Variants in SCARB1 observed in about 807,000 individuals in gnomAD.
SCARB1 encodes CD36 and LIMPII analogous 1.
Under a neutral mutation model 57.2 loss-of-function variants are expected in SCARB1, and 30 were observed. That is an observed-to-expected ratio of 0.52 (90% CI 0.39 to 0.71). SCARB1 has a LOEUF of 0.71. Ranked by LOEUF, SCARB1 falls within the 30% of genes least tolerant of loss-of-function variation. SCARB1 has a pLI of 0.00. For synonymous variants in SCARB1, 249 were observed against 268.3 expected (o/e 0.93, Z 0.70); for missense variants, 543 against 671.2 (o/e 0.81, Z 2.11).
chr12:124,794,280 TA>T (rs534348831), intron 9 of SCARB1, among the ~76,000 whole-genome samples: 177 of 152,292 alleles, frequency 1.2e-3, no homozygotes, highest in African/African-American at 3.0e-3. Flanking sequence ...TTAGGGGGGT[TA>T]TTTTTTTTAT....
At chr12:124,821,405 T>G (rs2135708386) in intron 1 of SCARB1, 1 of 985,338 alleles carries the variant, frequency 1.0e-6, no homozygotes, top group African/African-American at 1.7e-5. Context: ...CCCTGGCCGC[T>G]TGGCCTGGTT....
Position 124,825,179 on chromosome 12 carries a change from TGC to T in SCARB1, c.127-7474_127-7473del, listed in dbSNP as rs1951094653. ...GGCGGAGGTTGCAGCGAGCCAAAAT[TGC>T]GCCACTGCACTCCAGCCTGGGCAAC... is the stretch of plus-strand genomic sequence containing the variant. On this transcript the variant is annotated intron_variant, in intron 1 of 12. Transcript: ENST00000261693. Among the ~76,000 whole-genome samples, 4 of 131,902 alleles carry T rather than the reference TGC, an allele frequency of 3.0e-5. No individual in the cohort carries two copies. In the South Asian group the frequency reaches 9.6e-4, roughly 32 times the overall value. The allele number at this position is 131,902 out of a possible 152,430, so 86.5% of individuals were successfully genotyped here. A position where few individuals can be genotyped will look rare whatever the true frequency, so the allele number is the denominator to read the frequency against.
chr12:124,799,403 T>C (rs1436311423), intron 8 of SCARB1, among the ~76,000 whole-genome samples: 2 of 151,968 alleles, frequency 1.3e-5, no homozygotes, highest in Non-Finnish European at 2.9e-5. Flanking sequence ...TACATGTCTG[T>C]AGTCCTGGCT....
In SCARB1 at chr12:124,782,780, T is replaced by C; in HGVS notation, c.1433A>G (p.Lys478Arg). ...EKCYLFWSSS[K>R]KGSKDKEAIQ... ...GGCCTCCTTATCCTTTGAGCCCTTT[T>C]TACTACTACTCCAAAATAAATAGCA... The change falls in exon 12 of 13, where the codon AAA (lysine) becomes AGA (arginine). Residue 478 changes from lysine to arginine, a missense_variant. By Grantham distance (26) the Lys-to-Arg change is conservative. Coordinates refer to ENST00000261693, the MANE Select transcript of SCARB1 (RefSeq NM_005505.5). 2 of 1,613,954 alleles carry C rather than the reference T, an allele frequency of 1.2e-6. No homozygotes were observed. The highest frequency in any genetic ancestry group is 2.2e-5 in the South Asian group (2 of 91,080).
At chr12:124,840,419 G>A (rs1020487384) in intron 1 of SCARB1, among the ~76,000 whole-genome samples, 3 of 152,236 alleles carry the variant, frequency 2.0e-5, no homozygotes, top group East Asian at 1.9e-4. Flanking sequence ...CTTGTGATCC[G>A]CCCACCTTGG....
At chr12:124,843,303 C>T (rs910480209) in intron 1 of SCARB1, among the ~76,000 whole-genome samples, 30 of 138,630 alleles carry the variant, frequency 2.2e-4, no homozygotes, top group African/African-American at 8.3e-4. Context: ...GGGGGGGGGT[C>T]TTACTATGTT....
Position 124,812,440 on chromosome 12 carries a change from GACC to G in SCARB1, c.631-478_631-476del, listed in dbSNP as rs1365532163. On this transcript the variant is annotated intron_variant, in intron 4 of 12. Coordinates refer to ENST00000261693, the MANE Select transcript of SCARB1 (RefSeq NM_005505.5). The surrounding 1 kb of genome is among the most constrained non-coding windows in gnomAD (Gnocchi z 4.3). ...CCTCCCTCAGCCTGGATCCCCAAGT[GACC>G]ACCACAAGCGCGGGTGCCCCAGTCA... 1.3e-5 allele frequency among the ~76,000 whole-genome samples: 2 copies of G among 152,210 alleles called. No individual in the cohort carries two copies. Among genetic ancestry groups the G allele is most frequent in the Non-Finnish European group, 2.9e-5 (2 of 68,034 alleles).
Position 124,796,417 on chromosome 12 carries a change from TA to T in SCARB1, c.1129-1150del, listed in dbSNP as rs1949946289. Among the ~76,000 whole-genome samples, 2 of 151,842 alleles carry T rather than the reference TA, an allele frequency of 1.3e-5. No individual in the cohort carries two copies. Among genetic ancestry groups the T allele is most frequent in the South Asian group, 4.2e-4 (2 of 4,802 alleles). On this transcript the variant is annotated intron_variant, in intron 8 of 12. Transcript: ENST00000261693. The surrounding 1 kb of genome is among the most constrained non-coding windows in gnomAD (Gnocchi z 4.0). The stretch of plus-strand genomic sequence containing the variant: ...TTTTAACGAGACTTTTTTTTTTAAG[TA>T]AATAACCGAAGTGACACACATGTGT...
chr12:124,828,111 T>C (rs1222149802), intron 1 of SCARB1, among the ~76,000 whole-genome samples: 2 of 152,120 alleles, frequency 1.3e-5, no homozygotes, highest in Non-Finnish European at 2.9e-5. Context: ...AAACAGCTCA[T>C]ACTTAAGAAG....
rs559557459 is a variant in SCARB1 at position 124,835,074 on chromosome 12, A to G, written c.127-17367T>C. Among the ~76,000 whole-genome samples the G allele has an allele frequency of 8.5e-5, 13 of 152,214 alleles. No homozygotes were observed. The East Asian group carries it at 1.9e-3, about 23-fold the overall frequency. ...TGAGCCCTCCAGCGTCCAGACTCCAATGCACCATGAAGTGCCGTGGCTATA... is the reference window on the plus strand; with the variant it reads ...TGAGCCCTCCAGCGTCCAGACTCCAGTGCACCATGAAGTGCCGTGGCTATA... On this transcript the variant is annotated intron_variant, in intron 1 of 12. Coordinates refer to ENST00000261693, the MANE Select transcript of SCARB1 (RefSeq NM_005505.5).
rs1218910028 is a variant in SCARB1 at position 124,782,771 on chromosome 12, G to A, written c.1442C>T (p.Ser481Leu). ...GGCCTGAATGGCCTCCTTATCCTTT[G>A]AGCCCTTTTTACTACTACTCCAAAA... ...YLFWSSSKKG[S>L]KDKEAIQAYS... Residue 481 changes from serine to leucine, a missense_variant, in exon 12 of 13, where the codon TCA becomes TTA. Physicochemically the swap from Ser to Leu is moderately radical, Grantham distance 145 (BLOSUM62 -2). Transcript: ENST00000261693. 6.2e-7 allele frequency: 1 copy of A among 1,613,660 alleles called. No individual in the cohort carries two copies. Among genetic ancestry groups the A allele is most frequent in the Non-Finnish European group, 8.5e-7 (1 of 1,179,554 alleles).
intron 1 of SCARB1, among the ~76,000 whole-genome samples, chr12:124,849,540 C>T (rs1026160885): frequency 1.3e-5 from 2 of 152,244 alleles, no homozygotes; most frequent in African/African-American, 4.8e-5. Context: ...CTCCGGCACC[C>T]ACCCAGGCCC....
At chr12:124,827,413 ATATTAT>A (rs138195771) in intron 1 of SCARB1, among the ~76,000 whole-genome samples, 2 of 151,450 alleles carry the variant, frequency 1.3e-5, no homozygotes, top group Non-Finnish European at 2.9e-5. Flanking sequence ...TCAGGGGTTA[ATATTAT>A]TATTATTATT....
chr12:124,803,405 TA>T (rs1421865620), intron 7 of SCARB1, among the ~76,000 whole-genome samples: 2 of 151,948 alleles, frequency 1.3e-5, no homozygotes, highest in South Asian at 2.1e-4. Flanking sequence ...CCCCGTCTCT[TA>T]AAAAAAATTT....
chr12:124,832,874 C>T (rs1951461431), intron 1 of SCARB1, among the ~76,000 whole-genome samples: 1 of 151,996 alleles, frequency 6.6e-6, no homozygotes, highest in Admixed American at 6.6e-5. Flanking sequence ...TTAACACTGG[C>T]TCAGATCAAT....
At chr12:124,784,481 AAAGG>A (rs1176346381) in intron 11 of SCARB1, 1 of 152,236 alleles carries the variant, frequency 6.6e-6, no homozygotes, top group Non-Finnish European at 1.5e-5. Flanking sequence ...AGGAATTTTG[AAAGG>A]AAGTCGGGTT....
intron 1 of SCARB1, among the ~76,000 whole-genome samples, chr12:124,824,783 C>A (rs1951072779): frequency 6.6e-6 from 1 of 152,224 alleles, no homozygotes; most frequent in Non-Finnish European, 1.5e-5. Flanking sequence ...GCACCAGCTT[C>A]CCAGCTCCTG....
intron 1 of SCARB1, among the ~76,000 whole-genome samples, chr12:124,846,367 C>A (rs1952153102): frequency 6.6e-6 from 1 of 152,168 alleles, no homozygotes; most frequent in African/African-American, 2.4e-5. Flanking sequence ...CTGTCGGGCC[C>A]TAGAGGGATT....
At chr12:124,852,449 G>A (rs1218018470) in intron 1 of SCARB1, among the ~76,000 whole-genome samples, 5 of 152,306 alleles carry the variant, frequency 3.3e-5, no homozygotes, top group South Asian at 2.1e-4. Context: ...AAACACGCCC[G>A]GCAGGGTTAT....
Sources: allele counts gnomAD v4.1 joint callset (sites outside exome capture counted in the v4.1 genomes callset), GRCh38; gene constraint gnomAD v4.1.1; non-coding constraint Gnocchi (gnomAD v3.1); transcripts MANE v1.5; gene names NCBI Gene and HGNC (gene_info 2026-07-23, HGNC 2026-07-21).